Variants in RBL1 observed in about 807,000 individuals in gnomAD.
The protein encoded by RBL1 is RB transcriptional corepressor like 1, also known as retinoblastoma-like protein 1.
In RBL1, 82 loss-of-function variants were observed where a neutral mutation model predicts 123.0. The ratio of observed to expected loss-of-function variants is 0.67; its 90% CI spans 0.56 to 0.80. The LOEUF is 0.80. Ranked by LOEUF, RBL1 falls within the 30% of genes least tolerant of loss-of-function variation. The pLI, the probability that RBL1 is intolerant of heterozygous loss-of-function variation, is 0.00. For missense variants in RBL1, 1,171 were observed against 1,299.6 expected, an observed-to-expected ratio of 0.90 and a Z score of 1.52; for synonymous variants, 405 against 441.3, an observed-to-expected ratio of 0.92 and a Z score of 1.03.
rs1450562243 is a variant in RBL1 at position 37,032,892 on chromosome 20, T to C, written c.2171-16A>G. On this transcript the variant is annotated splice_polypyrimidine_tract_variant and intron_variant, in intron 15 of 21. Coordinates refer to ENST00000373664, the MANE Select transcript of RBL1 (RefSeq NM_002895.5). ...TTTGCGACACCTGAATGTATAAGCA[T>C]TATTAGAAATAATCTGCATATGTTC... The C allele has an allele frequency of 6.2e-7, 1 of 1,613,018 alleles. No individual in the cohort carries two copies. Among genetic ancestry groups the C allele is most frequent in the South Asian group, 1.1e-5 (1 of 90,782 alleles).
chr20:37,068,219 T>G, intron 2 of RBL1, 33 bp from the exon 3 acceptor site: 1 of 1,519,458 alleles, frequency 6.6e-7, no homozygotes, highest in South Asian at 1.3e-5. Flanking sequence ...AAAAGGCACC[T>G]TTAAAATTCA....
At chr20:37,035,174 A>C (rs1357896093) in intron 15 of RBL1, 68 bp downstream of exon 15, 1 of 1,404,304 alleles carries the variant, frequency 7.1e-7, no homozygotes, top group African/African-American at 1.4e-5. Flanking sequence ...CATGTGATCT[A>C]ATCCACTAAG....
intron 13 of RBL1, among the ~76,000 whole-genome samples, chr20:37,041,546 C>T (rs566756119): frequency 2.0e-4 from 31 of 152,212 alleles, no homozygotes; most frequent in Non-Finnish European, 3.2e-4. Context: ...TGGTCTCGAA[C>T]GCTTGACCTC....
chr20:37,001,623 C>A (rs982002124), intron 21 of RBL1, among the ~76,000 whole-genome samples: 4 of 150,572 alleles, frequency 2.7e-5, no homozygotes, highest in East Asian at 1.9e-4. Flanking sequence ...ACAAACACTG[C>A]GGAAGGCTGC....
chr20:37,077,599 ACT>A (rs1343372501), intron 2 of RBL1, among the ~76,000 whole-genome samples: 2 of 151,912 alleles, frequency 1.3e-5, no homozygotes, highest in Admixed American at 1.3e-4. Context: ...CAGACTTTCA[ACT>A]CTCCAAGCCT....
chr20:37,016,313 C>A (rs939641651), intron 19 of RBL1, among the ~76,000 whole-genome samples: 1 of 152,158 alleles, frequency 6.6e-6, no homozygotes, highest in Non-Finnish European at 1.5e-5. Flanking sequence ...CAGGTGTGAG[C>A]CACCACACCC....
intron 21 of RBL1, 38 bp downstream of exon 21, chr20:37,003,662 CTG>C (rs747809194): frequency 1.3e-6 from 2 of 1,530,730 alleles, no homozygotes; most frequent in Non-Finnish European, 1.8e-6. Context: ...CAGTTACTGA[CTG>C]TTAATCTGAA....
intron 2 of RBL1, among the ~76,000 whole-genome samples, chr20:37,069,971 C>T (rs1006380733): frequency 2.6e-5 from 4 of 152,196 alleles, no homozygotes; most frequent in African/African-American, 7.2e-5. Context: ...GGGAGGTGTG[C>T]CCAACAGCTC....
chr20:37,040,109 T>A lies in RBL1; in HGVS notation c.1903+44A>T, dbSNP rs1357248032. The stretch of plus-strand genomic sequence containing the variant: ...AAATTTTCCCTGAAAAAAAGCCAAA[T>A]GCCCTTTGTTACTTTTTCATTCCTT... On this transcript the variant is annotated intron_variant, in intron 14 of 21. Coordinates refer to ENST00000373664, the MANE Select transcript of RBL1 (RefSeq NM_002895.5). 1.2e-5 allele frequency: 20 copies of A among 1,602,392 alleles called. No individual in the cohort carries two copies. The Admixed American group carries it at 3.6e-4, about 29-fold the overall frequency.
chr20:37,000,119 T>G (rs1056008626), intron 21 of RBL1, among the ~76,000 whole-genome samples: 1 of 149,912 alleles, frequency 6.7e-6, no homozygotes, highest in African/African-American at 2.5e-5. Context: ...GTCTGGGATG[T>G]GAGGAGCGTC....
intron 2 of RBL1, among the ~76,000 whole-genome samples, chr20:37,074,625 G>T (rs1417839977): frequency 6.6e-6 from 1 of 152,048 alleles, no homozygotes; most frequent in Non-Finnish European, 1.5e-5. Flanking sequence ...GACGTAAACT[G>T]GTACAGTCAC....
chr20:37,088,141 T>C (rs1203030372), intron 2 of RBL1, among the ~76,000 whole-genome samples: 3 of 152,010 alleles, frequency 2.0e-5, no homozygotes, highest in Non-Finnish European at 2.9e-5. Flanking sequence ...GGCACATGCC[T>C]GTAATCCCAG....
intron 13 of RBL1, 32 bp downstream of exon 13, chr20:37,044,054 A>C (rs765210256): frequency 7.9e-7 from 1 of 1,266,672 alleles, no homozygotes; most frequent in Non-Finnish European, 1.0e-6. Flanking sequence ...TTTTTTTTTA[A>C]TGATACGATT....
At chr20:37,018,817 A>G (rs1223436085) in intron 18 of RBL1, among the ~76,000 whole-genome samples, 1 of 148,426 alleles carries the variant, frequency 6.7e-6, no homozygotes, top group Non-Finnish European at 1.5e-5. Flanking sequence ...TGGGTGTGGT[A>G]GCGCACAGTT....
intron 19 of RBL1, among the ~76,000 whole-genome samples, chr20:37,012,799 C>G (rs1165356881): frequency 1.3e-5 from 2 of 149,972 alleles, no homozygotes; most frequent in Admixed American, 1.3e-4. Context: ...GGGGGGTCAG[C>G]CCCCTGCCCG....
At chr20:37,078,670 A>G (rs1421607971) in intron 2 of RBL1, among the ~76,000 whole-genome samples, 7 of 152,214 alleles carry the variant, frequency 4.6e-5, no homozygotes, top group Non-Finnish European at 1.5e-5. Context: ...TCACAAAAGA[A>G]CAAATATTGT....
rs775467638 is a variant in RBL1, at chr20:37,032,831, A to G, written c.2216T>C (p.Met739Thr). 2.5e-6 allele frequency: 4 copies of G among 1,613,966 alleles called. No individual in the cohort carries two copies. ...AGEITLIPLS[M>T]NTNQESKVKS... ...GACTTTGGACTCCTGATTTGTATTC[A>G]TGGAAAGAGGTATCAGTGTGATCTC... Residue 739 changes from methionine (M) to threonine (T), a missense_variant, in exon 16 of 22, where the codon ATG becomes ACG. Transcript: ENST00000373664.
Position 37,072,491 on chromosome 20 carries a change from A to C in RBL1, c.291-4305T>G, listed in dbSNP as rs557041913. ...CACTCCAGCCTGGGCAACGAGAGCG[A>C]AACTCCGTCTTAAAAAAAAAAGACT... is the stretch of plus-strand genomic sequence containing the variant. On this transcript the variant is annotated intron_variant, in intron 2 of 21. Coordinates refer to ENST00000373664, the MANE Select transcript of RBL1 (RefSeq NM_002895.5). Among the ~76,000 whole-genome samples the C allele has an allele frequency of 6.6e-5, 10 of 152,292 alleles. No individual in the cohort carries two copies. In the South Asian group the frequency reaches 1.9e-3, roughly 28 times the overall value.
chr20:37,068,303 C>T (rs1391619203), intron 2 of RBL1, 117 bp from the exon 3 acceptor site: 4 of 1,388,608 alleles, frequency 2.9e-6, no homozygotes, highest in Non-Finnish European at 3.8e-6. Context: ...ATTTCCCAGG[C>T]AACATAGTTA....
Sources: allele counts gnomAD v4.1 joint callset (sites outside exome capture counted in the v4.1 genomes callset), GRCh38; gene constraint gnomAD v4.1.1; transcripts MANE v1.5; gene names NCBI Gene and HGNC (gene_info 2026-07-23, HGNC 2026-07-21).